Variants in C1orf141 observed in about 807,000 individuals in gnomAD.
C1orf141 encodes the protein chromosome 1 open reading frame 141.
A neutral mutation model predicts 23.2 loss-of-function variants in C1orf141; 19 were observed. The ratio of observed to expected loss-of-function variants is 0.82; its 90% CI spans 0.57 to 1.20. The LOEUF is 1.20. Among genes scored for constraint, C1orf141 ranks in the 50% most tolerant of loss-of-function variants. The pLI, the probability that C1orf141 is intolerant of heterozygous loss-of-function variation, is 0.00. For synonymous variants in C1orf141, 153 were observed against 154.6 expected (o/e 0.99, Z 0.08); for missense variants, 469 against 455.1 (o/e 1.03, Z -0.28).
intron 5 of C1orf141, among the ~76,000 whole-genome samples, chr1:67,109,225 G>A (rs972092743): frequency 1.3e-5 from 2 of 151,180 alleles, no homozygotes; most frequent in African/African-American, 4.9e-5. Context: ...TACTCGGGAG[G>A]CTGAGGCAGG....
intron 7 of C1orf141, chr1:67,094,328 G>T (rs1645622612): frequency 6.6e-6 from 1 of 152,136 alleles, no homozygotes; most frequent in South Asian, 2.1e-4. Flanking sequence ...AATGCTTTTG[G>T]TCTGTCCAAC....
chr1:67,102,795 A>T (rs1306483442), intron 5 of C1orf141: 1 of 152,246 alleles, frequency 6.6e-6, no homozygotes. Context: ...TGAATATCTG[A>T]TGACATTATA....
rs757516976 is a variant in C1orf141 at position 67,093,204 on chromosome 1, G to A, written c.1004C>T (p.Ala335Val). The change falls in exon 8 of 8, where the codon GCT becomes GTT. Residue 335 changes from alanine to valine, a missense_variant. By Grantham distance (64) the Ala-to-Val change is moderately conservative (BLOSUM62 0). This residue lies in a region of C1orf141 where 370 missense variants were observed against 348.1 expected (regional missense o/e 1.06). Coordinates refer to ENST00000684719, the MANE Select transcript of C1orf141 (RefSeq NM_001276351.2). Reference protein sequence around the residue: ...TKQFVGYLDKAVIHEMSAQTG... With the variant: ...TKQFVGYLDKVVIHEMSAQTG... Reference sequence around the variant, plus strand: ...TTGGGCACTCATTTCATGAATAACAGCTTTATCAAGGTAACCCACAAATTG... The same window carrying A: ...TTGGGCACTCATTTCATGAATAACAACTTTATCAAGGTAACCCACAAATTG... The A allele has an allele frequency of 5.0e-6, 8 of 1,613,690 alleles. No individual in the cohort carries two copies. Among genetic ancestry groups the A allele is most frequent in the Middle Eastern group, 3.3e-4 (2 of 6,076 alleles).
chr1:67,127,679 G>T (rs181156793), intron 2 of C1orf141, among the ~76,000 whole-genome samples: 1 of 152,184 alleles, frequency 6.6e-6, no homozygotes, highest in East Asian at 1.9e-4. Context: ...CTGTCACCCA[G>T]GCTGGAGTGC....
chr1:67,116,662 G>C (rs116699519), intron 4 of C1orf141, among the ~76,000 whole-genome samples: 1 of 152,016 alleles, frequency 6.6e-6, no homozygotes, highest in African/African-American at 2.4e-5. Flanking sequence ...TGCCACTCCA[G>C]GCCTCTCTCT....
intron 5 of C1orf141, among the ~76,000 whole-genome samples, chr1:67,112,315 C>G (rs1040256660): frequency 1.3e-5 from 2 of 152,162 alleles, no homozygotes; most frequent in African/African-American, 4.8e-5. Context: ...TGTTGATCAA[C>G]TATATGCCAG....
upstream of C1orf141, among the ~76,000 whole-genome samples, chr1:67,135,434 C>G (rs1012378531): frequency 2.0e-5 from 3 of 152,114 alleles, no homozygotes; most frequent in Non-Finnish European, 4.4e-5. Flanking sequence ...TTTCCAAGGC[C>G]AAGAAACCTC....
At chr1:67,110,703 AG>A (rs1367787445) in intron 5 of C1orf141, among the ~76,000 whole-genome samples, 1 of 151,918 alleles carries the variant, frequency 6.6e-6, no homozygotes, top group Non-Finnish European at 1.5e-5. Flanking sequence ...TATTATGATA[AG>A]TAACCTGATT....
At chr1:67,109,326 C>CAAAAAAAAAAAAAAAAA (rs58157985) in intron 5 of C1orf141, among the ~76,000 whole-genome samples, 3 of 83,428 alleles carry the variant, frequency 3.6e-5, no homozygotes, top group Admixed American at 1.5e-4. Flanking sequence ...GACTCCGTCT[C>CAAAAAAAAAAAAAAAAA]AAAAAAAAAA....
At chr1:67,129,007 C>T (rs1220291619) in intron 2 of C1orf141, among the ~76,000 whole-genome samples, 1 of 152,124 alleles carries the variant, frequency 6.6e-6, no homozygotes, top group African/African-American at 2.4e-5. Context: ...TGGTTTCCTT[C>T]AGCTTTTTTT....
upstream of C1orf141, among the ~76,000 whole-genome samples, chr1:67,137,077 T>A (rs1290688729): frequency 6.6e-6 from 1 of 152,214 alleles, no homozygotes; most frequent in Non-Finnish European, 1.5e-5. Flanking sequence ...GCAGACTTTT[T>A]CCTGCTTCCT....
intron 5 of C1orf141, among the ~76,000 whole-genome samples, chr1:67,112,474 G>T (rs1179803692): frequency 1.3e-5 from 2 of 152,152 alleles, no homozygotes; most frequent in African/African-American, 4.8e-5. Context: ...GGCCAGGACA[G>T]GTGGATCACT....
In C1orf141 at chr1:67,093,396, G is replaced by GT. The variant is rs754555112; in HGVS notation, c.811dup (p.Thr271AsnfsTer17). On this transcript the variant is annotated frameshift_variant, in exon 8 of 8. Coordinates refer to ENST00000684719, the MANE Select transcript of C1orf141 (RefSeq NM_001276351.2). LOFTEE classifies it low-confidence loss of function (END_TRUNC). The stretch of plus-strand genomic sequence containing the variant: ...ATCTTTTCTCTGTACTGTAGGCATA[G>GT]TTTTTTGGGGTTTGAAAAGAGAAAT... 2 of 1,612,740 alleles carry GT rather than the reference G, an allele frequency of 1.2e-6. No homozygotes were observed. The highest frequency in any genetic ancestry group is 1.3e-5 in the African/African-American group (1 of 74,814).
intron 5 of C1orf141, among the ~76,000 whole-genome samples, chr1:67,107,750 C>T (rs10749768): frequency 0.78 from 118,907 of 151,924 alleles, 46,913 homozygotes; most frequent in East Asian, 0.91. Flanking sequence ...ATTAGCCGGG[C>T]GTGGTGGCGC....
chr1:67,102,439 C>T (rs1645824763), intron 5 of C1orf141, among the ~76,000 whole-genome samples: 1 of 151,558 alleles, frequency 6.6e-6, no homozygotes, highest in Non-Finnish European at 1.5e-5. Context: ...GATGTGGATG[C>T]ATGAGGCTAT....
At chr1:67,138,436 TC>T (rs1451520359), upstream of C1orf141, among the ~76,000 whole-genome samples, 1 of 152,184 alleles carries the variant, frequency 6.6e-6, no homozygotes, top group South Asian at 2.1e-4. Context: ...TTTGAAACAT[TC>T]CCTTCCCTTG....
intron 2 of C1orf141, among the ~76,000 whole-genome samples, chr1:67,130,323 T>C (rs1646494097): frequency 6.6e-6 from 1 of 152,176 alleles, no homozygotes; most frequent in Non-Finnish European, 1.5e-5. Flanking sequence ...ACTGGAAGAA[T>C]CAATGTATTG....
chr1:67,131,789 T>C (rs1398381344), intron 1 of C1orf141, among the ~76,000 whole-genome samples: 9 of 139,094 alleles, frequency 6.5e-5, no homozygotes, highest in Admixed American at 1.4e-4. Context: ...ACCTCTTCTT[T>C]TTTTTTTTTT....
chr1:67,130,385 CTGA>C, intron 2 of C1orf141, among the ~76,000 whole-genome samples: 1 of 152,298 alleles, frequency 6.6e-6, no homozygotes, highest in African/African-American at 2.4e-5. Flanking sequence ...TGAGGGCCAG[CTGA>C]AACAATGCTG....
Sources: gnomAD v4.1 joint callset for allele counts (sites outside exome capture counted in the v4.1 genomes callset) on GRCh38, gnomAD v4.1.1 for gene constraint, gnomAD v4.1.1 regional missense constraint, MANE v1.5 for transcripts, NCBI Gene and HGNC (gene_info 2026-07-23, HGNC 2026-07-21) for gene names.